Variants in CACNA2D3 observed in about 807,000 individuals in gnomAD.
CACNA2D3 encodes the protein voltage-dependent calcium channel subunit alpha-2/delta-3.
In CACNA2D3, 60 loss-of-function variants were observed where a neutral mutation model predicts 160.6. The ratio of observed to expected loss-of-function variants is 0.37; its 90% CI spans 0.30 to 0.46. The LOEUF (loss-of-function observed/expected upper bound fraction) is 0.46, where lower values mean the gene tolerates loss of function less well. CACNA2D3 is among the 20% of genes least tolerant of loss of function. The probability of loss-of-function intolerance (pLI) is 1.00; values close to 1 mark genes in which losing one functional copy is unlikely to be tolerated. For missense variants in CACNA2D3, 1,205 were observed against 1,365.0 expected (o/e 0.88, Z 1.85); for synonymous variants, 558 against 492.9 (o/e 1.13, Z -1.75).
At chr3:54,588,852 A>G (rs1020488924) in intron 9 of CACNA2D3, among the ~76,000 whole-genome samples, 1 of 151,800 alleles carries the variant, frequency 6.6e-6, no homozygotes, top group South Asian at 2.1e-4. Context: ...TCCACAGGGT[A>G]AAGGTGTTAT....
chr3:54,617,031 A>G (rs1179635978), intron 9 of CACNA2D3, among the ~76,000 whole-genome samples: 1 of 152,104 alleles, frequency 6.6e-6, no homozygotes, highest in Non-Finnish European at 1.5e-5. Context: ...CTTTTATCTA[A>G]CTTTTAAGAA....
chr3:54,804,428 T>G (rs1458791423), intron 13 of CACNA2D3, among the ~76,000 whole-genome samples: 2 of 151,948 alleles, frequency 1.3e-5, no homozygotes, highest in African/African-American at 4.8e-5. Flanking sequence ...AAAACAGACT[T>G]TAAACCAACA....
intron 2 of CACNA2D3, among the ~76,000 whole-genome samples, chr3:54,183,892 GAAAAAAAAAAAAAAA>G (rs58956795): frequency 6.2e-5 from 5 of 80,754 alleles, no homozygotes; most frequent in East Asian, 4.4e-4. Flanking sequence ...TCTCAAAAAA[GAAAAAAAAAAAAAAA>G]AAAAAAAAAA....
At position 54,470,209 on chromosome 3, in the gene CACNA2D3, C is replaced by T. The variant is rs1446656326; in HGVS notation, c.382-33283C>T. On this transcript the variant is annotated intron_variant, in intron 4 of 37. Coordinates refer to ENST00000474759, the MANE Select transcript of CACNA2D3 (RefSeq NM_018398.3). ...AGGTTGGGTTACCCACAAAAGGAAG[C>T]CCATCAGAATAACAGCAGATCTCTC... 2.6e-5 allele frequency among the ~76,000 whole-genome samples: 4 copies of T among 152,198 alleles called. No homozygotes were observed. The South Asian group carries it at 6.2e-4, about 24-fold the overall frequency.
chr3:54,500,821 A>T (rs755359627), intron 4 of CACNA2D3, among the ~76,000 whole-genome samples: 1 of 152,146 alleles, frequency 6.6e-6, no homozygotes, highest in African/African-American at 2.4e-5. Context: ...TAGTGCAGGT[A>T]TCTTATAACT....
chr3:54,441,562 A>T (rs573899784), intron 4 of CACNA2D3, among the ~76,000 whole-genome samples: 24 of 152,302 alleles, frequency 1.6e-4, no homozygotes, highest in African/African-American at 4.8e-4. Flanking sequence ...GTCCTTGCCC[A>T]TGCCTATGTC....
intron 2 of CACNA2D3, among the ~76,000 whole-genome samples, chr3:54,293,525 C>A (rs1703257303): frequency 6.6e-6 from 1 of 151,450 alleles, no homozygotes; most frequent in African/African-American, 2.4e-5. Context: ...CTGTGAATGC[C>A]ATTACTTCAT....
intron 11 of CACNA2D3, among the ~76,000 whole-genome samples, chr3:54,673,935 A>C (rs1700198947): frequency 1.3e-5 from 2 of 152,180 alleles, no homozygotes; most frequent in African/African-American, 4.8e-5. Context: ...AGAAAGCCTC[A>C]TGTGTCTCTA....
intron 33 of CACNA2D3, among the ~76,000 whole-genome samples, chr3:55,008,654 G>C (rs1387251123): frequency 6.6e-6 from 1 of 152,114 alleles, no homozygotes; most frequent in Non-Finnish European, 1.5e-5. Context: ...ATATACACAT[G>C]AGGCAGAGAA....
chr3:54,527,603 G>T (rs539462975), intron 5 of CACNA2D3, among the ~76,000 whole-genome samples: 3 of 152,124 alleles, frequency 2.0e-5, no homozygotes, highest in Non-Finnish European at 4.4e-5. Context: ...TAAAGACTTC[G>T]AGTGCAGATG....
intron 11 of CACNA2D3, among the ~76,000 whole-genome samples, chr3:54,654,621 G>T (rs1190869492): frequency 6.6e-6 from 1 of 152,110 alleles, no homozygotes; most frequent in Non-Finnish European, 1.5e-5. Context: ...CTATCAGGCT[G>T]GGACCCGGAC....
At chr3:54,978,048 C>A (rs975211612) in intron 29 of CACNA2D3, among the ~76,000 whole-genome samples, 2 of 152,120 alleles carry the variant, frequency 1.3e-5, no homozygotes, top group African/African-American at 4.8e-5. Flanking sequence ...GGGAGTGTAG[C>A]AGTGAGGATG....
intron 11 of CACNA2D3, among the ~76,000 whole-genome samples, chr3:54,669,897 C>T (rs1319673665): frequency 6.6e-6 from 1 of 152,118 alleles, no homozygotes; most frequent in Non-Finnish European, 1.5e-5. Flanking sequence ...TATCTACCCT[C>T]CTCAGCCTCC....
chr3:54,922,441 G>A (rs894784707), intron 27 of CACNA2D3, among the ~76,000 whole-genome samples: 10 of 151,672 alleles, frequency 6.6e-5, no homozygotes, highest in South Asian at 2.1e-4. Context: ...ACCTGTAGAC[G>A]TAAACAATTT....
At chr3:54,240,404 C>G (rs1275707345) in intron 2 of CACNA2D3, among the ~76,000 whole-genome samples, 1 of 152,122 alleles carries the variant, frequency 6.6e-6, no homozygotes, top group East Asian at 1.9e-4. Context: ...TATAATAATG[C>G]TTCTCAAAGG....
At position 54,313,851 on chromosome 3, in the gene CACNA2D3, C is replaced by T. The variant is rs142644132; in HGVS notation, c.205-6591C>T. Among the ~76,000 whole-genome samples, 19 of 148,330 alleles carry T rather than the reference C, an allele frequency of 1.3e-4. No homozygotes were observed. In the East Asian group the frequency reaches 3.8e-3, roughly 30 times the overall value. ...GATGCTGCATCTTCCTTGCCTGTTT[C>T]CTTCTCAGAATATCCTGGCAAAGAA... On this transcript the variant is annotated intron_variant, in intron 2 of 37. Coordinates refer to ENST00000474759, the MANE Select transcript of CACNA2D3 (RefSeq NM_018398.3).
At chr3:54,524,031 C>G (rs1035315410) in intron 5 of CACNA2D3, among the ~76,000 whole-genome samples, 2 of 140,460 alleles carry the variant, frequency 1.4e-5, no homozygotes, top group Non-Finnish European at 1.6e-5. Context: ...TATTTCTTTC[C>G]TTCTTCTTGC....
At chr3:54,125,670 T>C (rs1276317119) in intron 2 of CACNA2D3, among the ~76,000 whole-genome samples, 2 of 152,156 alleles carry the variant, frequency 1.3e-5, no homozygotes, top group Non-Finnish European at 2.9e-5. Flanking sequence ...GGGGAGCATT[T>C]TTCAGCTATG....
chr3:54,551,383 A>G (rs1033311504), intron 5 of CACNA2D3, among the ~76,000 whole-genome samples: 2 of 152,258 alleles, frequency 1.3e-5, no homozygotes, highest in South Asian at 2.1e-4. Flanking sequence ...GAATAAATAA[A>G]TGCATACTAT....
Sources: gnomAD v4.1 joint callset for allele counts (sites outside exome capture counted in the v4.1 genomes callset) on GRCh38, gnomAD v4.1.1 for gene constraint, MANE v1.5 for transcripts, NCBI Gene and HGNC (gene_info 2026-07-23, HGNC 2026-07-21) for gene names.